The following SYT9 variants were observed in gnomAD, a reference collection of about 807,000 sequenced individuals.
The protein encoded by SYT9 is synaptotagmin 9.
A neutral mutation model predicts 48.4 loss-of-function variants in SYT9; 22 were observed. That is an observed-to-expected ratio of 0.45 (90% CI 0.32 to 0.65). The LOEUF (loss-of-function observed/expected upper bound fraction) is 0.65, where lower values mean the gene tolerates loss of function less well. Among genes scored for constraint, SYT9 ranks in the 30% least tolerant of loss-of-function variants. SYT9 has a pLI of 0.03. For synonymous variants in SYT9, 265 were observed against 245.0 expected (o/e 1.08, Z -0.76); for missense variants, 577 against 622.0 (o/e 0.93, Z 0.77).
intron 3 of SYT9, among the ~76,000 whole-genome samples, chr11:7,332,250 G>C (rs1849548537): frequency 6.6e-6 from 1 of 152,188 alleles, no homozygotes; most frequent in Non-Finnish European, 1.5e-5. Flanking sequence ...TGAGACGAGG[G>C]GGCCGCCGTT....
At chr11:7,304,372 AAGAGACTC>A (rs1311379961) in intron 2 of SYT9, among the ~76,000 whole-genome samples, 1 of 152,254 alleles carries the variant, frequency 6.6e-6, no homozygotes, top group Non-Finnish European at 1.5e-5. Flanking sequence ...ATTTCAGGAA[AAGAGACTC>A]AGGAAGCAGC....
intron 3 of SYT9, among the ~76,000 whole-genome samples, chr11:7,344,583 A>G (rs2346818): frequency 0.24 from 37,212 of 152,146 alleles, 5,088 homozygotes; most frequent in Non-Finnish European, 0.31. Flanking sequence ...TATGTATAGT[A>G]TGATATGGTT....
At chr11:7,383,835 C>T (rs1225516668) in intron 3 of SYT9, among the ~76,000 whole-genome samples, 1 of 152,118 alleles carries the variant, frequency 6.6e-6, no homozygotes, top group Non-Finnish European at 1.5e-5. Flanking sequence ...CAGTCCCTTG[C>T]ACTATATGTC....
chr11:7,447,633 C>A (rs7111621), intron 6 of SYT9, among the ~76,000 whole-genome samples: 1,901 of 152,180 alleles, frequency 0.012, 37 homozygotes, highest in African/African-American at 0.043. Context: ...ACTATGAGTT[C>A]CCTGAGAACA....
chr11:7,445,336 A>G (rs963487467), intron 6 of SYT9, among the ~76,000 whole-genome samples: 11 of 152,192 alleles, frequency 7.2e-5, no homozygotes, highest in African/African-American at 2.4e-4. Flanking sequence ...CTCTGAAAGC[A>G]TATGTGGCAT....
intron 3 of SYT9, among the ~76,000 whole-genome samples, chr11:7,347,865 T>G (rs1849832600): frequency 6.6e-6 from 1 of 152,050 alleles, no homozygotes; most frequent in South Asian, 2.1e-4. Context: ...GTGCTAGCAC[T>G]AGAATGCCCA....
chr11:7,334,710 A>G (rs1346124118), intron 3 of SYT9, among the ~76,000 whole-genome samples: 1 of 151,550 alleles, frequency 6.6e-6, no homozygotes, highest in Non-Finnish European at 1.5e-5. Flanking sequence ...TAGATTTTCT[A>G]GGATTTTATA....
chr11:7,254,837 A>G (rs1847937823), intron 1 of SYT9, among the ~76,000 whole-genome samples: 1 of 152,170 alleles, frequency 6.6e-6, no homozygotes, highest in Non-Finnish European at 1.5e-5. Context: ...CCCTGCATCT[A>G]GGAAATTTAC....
chr11:7,452,118 A>AACAC (rs142000557), intron 6 of SYT9, among the ~76,000 whole-genome samples: 21,394 of 147,512 alleles, frequency 0.15, 1,584 homozygotes, highest in Non-Finnish European at 0.17. Context: ...TTATATTTAA[A>AACAC]ACACACACAC....
intron 2 of SYT9, among the ~76,000 whole-genome samples, chr11:7,311,678 G>T (rs965078790): frequency 3.3e-5 from 5 of 152,132 alleles, no homozygotes; most frequent in African/African-American, 4.8e-5. Flanking sequence ...GACATTTTTT[G>T]AAGAAAAAAT....
chr11:7,290,042 T>G (rs1848670281), intron 1 of SYT9, among the ~76,000 whole-genome samples: 1 of 152,206 alleles, frequency 6.6e-6, no homozygotes, highest in Non-Finnish European at 1.5e-5. Context: ...ATCCGTGATC[T>G]GGGGTGTAGA....
chr11:7,385,340 CTGTGTGTG>C (rs66576884), intron 3 of SYT9, among the ~76,000 whole-genome samples: 6 of 146,690 alleles, frequency 4.1e-5, no homozygotes, highest in African/African-American at 1.5e-4. Flanking sequence ...TTTGTTTGCT[CTGTGTGTG>C]TGTGTGTGTG....
chr11:7,394,518 ATCCCTGAGG>A (rs1846707638), intron 3 of SYT9, among the ~76,000 whole-genome samples: 2 of 152,076 alleles, frequency 1.3e-5, no homozygotes, highest in African/African-American at 4.8e-5. Context: ...CTAGTTCTAG[ATCCCTGAGG>A]AATAGCCACA....
At chr11:7,350,588 C>A (rs1849895235) in intron 3 of SYT9, among the ~76,000 whole-genome samples, 1 of 152,134 alleles carries the variant, frequency 6.6e-6, no homozygotes, top group African/African-American at 2.4e-5. Context: ...AAATGCAGCC[C>A]TGGGGCCTGG....
chr11:7,351,899 G>A (rs890498425), intron 3 of SYT9, among the ~76,000 whole-genome samples: 3 of 152,178 alleles, frequency 2.0e-5, no homozygotes, highest in African/African-American at 7.2e-5. Context: ...GTATGGGTGA[G>A]CTGGTGGTGA....
chr11:7,385,324 A>ATTGTTT (rs1260626577), intron 3 of SYT9, among the ~76,000 whole-genome samples: 2 of 147,462 alleles, frequency 1.4e-5, no homozygotes, highest in Non-Finnish European at 3.0e-5. Context: ...AATGAACTAT[A>ATTGTTT]TTGTTTTTGT....
intron 1 of SYT9, among the ~76,000 whole-genome samples, chr11:7,301,335 A>G (rs1161578086): frequency 6.6e-6 from 1 of 152,212 alleles, no homozygotes; most frequent in Non-Finnish European, 1.5e-5. Context: ...TTTTAAGAGC[A>G]ATTTTTGATA....
At chr11:7,438,094 T>C (rs1034349223) in intron 6 of SYT9, 6 of 152,152 alleles carry the variant, frequency 3.9e-5, no homozygotes, top group African/African-American at 1.4e-4. Context: ...TCCAGTGTAA[T>C]AGTGTCAATC....
At chr11:7,291,711 C>T (rs955556676) in intron 1 of SYT9, among the ~76,000 whole-genome samples, 4 of 152,004 alleles carry the variant, frequency 2.6e-5, no homozygotes, top group South Asian at 4.1e-4. Context: ...AAAATCTCCT[C>T]GTGTAACTCT....
Sources: gnomAD v4.1 joint callset for allele counts (sites outside exome capture counted in the v4.1 genomes callset) on GRCh38, gnomAD v4.1.1 for gene constraint, MANE v1.5 for transcripts, NCBI Gene and HGNC (gene_info 2026-07-23, HGNC 2026-07-21) for gene names.